The following UBAC2 variants were observed in gnomAD, a reference collection of about 807,000 sequenced individuals.
UBAC2 encodes ubiquitin-associated domain-containing protein 2.
A neutral mutation model predicts 44.0 loss-of-function variants in UBAC2; 26 were observed. The observed-to-expected ratio is 0.59, with a 90% CI of 0.43 to 0.82. The LOEUF is 0.82. UBAC2 is among the 40% of genes least tolerant of loss of function. The pLI is 0.00. For missense variants in UBAC2, 329 were observed against 419.4 expected, an observed-to-expected ratio of 0.78 and a Z score of 1.88; for synonymous variants, 155 against 154.3, an observed-to-expected ratio of 1.00 and a Z score of -0.04.
chr13:99,309,191 A>G (rs368870276), intron 4 of UBAC2, among the ~76,000 whole-genome samples: 2 of 151,518 alleles, frequency 1.3e-5, no homozygotes, highest in African/African-American at 4.9e-5. Context: ...GCTCACTGCA[A>G]CCTCCACCTC....
intron 8 of UBAC2, among the ~76,000 whole-genome samples, chr13:99,369,714 C>T (rs1265858491): frequency 1.3e-5 from 2 of 152,070 alleles, no homozygotes; most frequent in African/African-American, 2.4e-5. Flanking sequence ...AAAGGAAAAC[C>T]GTAATTCTAC....
At chr13:99,366,640 T>G (rs1031183411) in intron 7 of UBAC2, among the ~76,000 whole-genome samples, 1 of 151,966 alleles carries the variant, frequency 6.6e-6, no homozygotes, top group Non-Finnish European at 1.5e-5. Context: ...TTTTTTTTCA[T>G]CCCTTTCGCT....
intron 4 of UBAC2, among the ~76,000 whole-genome samples, chr13:99,304,913 G>A (rs903928092): frequency 2.6e-5 from 4 of 152,160 alleles, no homozygotes; most frequent in African/African-American, 4.8e-5. Flanking sequence ...AAACCTTAAC[G>A]TACACTAACT....
At chr13:99,316,619 G>A (rs911762977) in intron 5 of UBAC2, among the ~76,000 whole-genome samples, 2 of 152,160 alleles carry the variant, frequency 1.3e-5, no homozygotes, top group African/African-American at 4.8e-5. Flanking sequence ...TGTCCTCAAG[G>A]AGCCCAGCCA....
intron 4 of UBAC2, among the ~76,000 whole-genome samples, chr13:99,297,263 G>A (rs773112224): frequency 3.3e-5 from 5 of 152,114 alleles, no homozygotes; most frequent in Non-Finnish European, 5.9e-5. Flanking sequence ...AATCCTGTGT[G>A]ATTATTTTTA....
chr13:99,373,492 T>G (rs1033115436), intron 8 of UBAC2, among the ~76,000 whole-genome samples: 1 of 152,208 alleles, frequency 6.6e-6, no homozygotes, highest in Non-Finnish European at 1.5e-5. Context: ...GCACCGGGGC[T>G]AAGCGCTGTG....
intron 7 of UBAC2, among the ~76,000 whole-genome samples, chr13:99,354,686 G>A (rs2045149707): frequency 6.6e-6 from 1 of 151,846 alleles, no homozygotes; most frequent in Non-Finnish European, 1.5e-5. Flanking sequence ...CGATGGGGCT[G>A]GTTTGGGCAG....
chr13:99,311,701 A>C (rs1328765196), intron 4 of UBAC2, among the ~76,000 whole-genome samples: 1 of 152,238 alleles, frequency 6.6e-6, no homozygotes, highest in East Asian at 1.9e-4. Context: ...CTGTATAGTC[A>C]ATTCAAATGT....
intron 4 of UBAC2, chr13:99,255,505 A>G (rs1311511890): frequency 1.9e-6 from 3 of 1,614,016 alleles, no homozygotes; most frequent in Non-Finnish European, 1.7e-6. Context: ...CGGCTGTACA[A>G]TGGCCATGTA....
At chr13:99,232,701 C>T (rs550562843) in intron 1 of UBAC2, among the ~76,000 whole-genome samples, 4 of 151,996 alleles carry the variant, frequency 2.6e-5, no homozygotes, top group African/African-American at 7.2e-5. Context: ...GCGGGCAGAT[C>T]GCTTGAGCTC....
At chr13:99,374,736 A>G (rs144031573) in intron 8 of UBAC2, among the ~76,000 whole-genome samples, 1 of 152,290 alleles carries the variant, frequency 6.6e-6, no homozygotes, top group African/African-American at 2.4e-5. Context: ...TGCTCTGAGT[A>G]GCCAAGCATG....
At chr13:99,380,235 G>A (rs1337254817) in intron 8 of UBAC2, among the ~76,000 whole-genome samples, 2 of 152,138 alleles carry the variant, frequency 1.3e-5, no homozygotes, top group Admixed American at 6.5e-5. Context: ...AATGCTTAAC[G>A]TGTGTTTTGC....
intron 4 of UBAC2, among the ~76,000 whole-genome samples, chr13:99,281,158 C>T (rs2043948790): frequency 6.6e-6 from 1 of 151,662 alleles, no homozygotes; most frequent in African/African-American, 2.4e-5. Context: ...CATGGTACTC[C>T]AGCCTGGGTG....
chr13:99,331,589 C>T (rs1464008710), intron 6 of UBAC2, among the ~76,000 whole-genome samples: 1 of 152,154 alleles, frequency 6.6e-6, no homozygotes, highest in East Asian at 1.9e-4. Context: ...ATAGAAAGTT[C>T]AATCTGAATC....
chr13:99,237,640 A>G (rs1033318811), intron 1 of UBAC2, among the ~76,000 whole-genome samples: 3 of 152,246 alleles, frequency 2.0e-5, no homozygotes, highest in African/African-American at 7.2e-5. Context: ...AATTCAGCCT[A>G]AAGAAAAGAG....
At chr13:99,241,812 A>G (rs914332282) in intron 2 of UBAC2, among the ~76,000 whole-genome samples, 1 of 148,528 alleles carries the variant, frequency 6.7e-6, no homozygotes, top group African/African-American at 2.5e-5. Flanking sequence ...TCATAGGACA[A>G]TAGTGGAGGG....
chr13:99,357,792 C>A (rs2045208729), intron 7 of UBAC2, among the ~76,000 whole-genome samples: 1 of 152,214 alleles, frequency 6.6e-6, no homozygotes, highest in South Asian at 2.1e-4. Context: ...CATTAGTAAC[C>A]CATCACCTGG....
chr13:99,207,389 G>A (rs1434812914), intron 1 of UBAC2, among the ~76,000 whole-genome samples: 1 of 152,174 alleles, frequency 6.6e-6, no homozygotes, highest in Non-Finnish European at 1.5e-5. Flanking sequence ...AAATGCAAAA[G>A]TATAACCCAT....
At chr13:99,294,243 A>T (rs1322129119) in intron 4 of UBAC2, among the ~76,000 whole-genome samples, 1 of 152,118 alleles carries the variant, frequency 6.6e-6, no homozygotes, top group African/African-American at 2.4e-5. Flanking sequence ...AAGAGAAATG[A>T]TCCCCTAGTG....
Sources: gnomAD v4.1 joint callset for allele counts (sites outside exome capture counted in the v4.1 genomes callset) on GRCh38, gnomAD v4.1.1 for gene constraint, MANE v1.5 for transcripts, NCBI Gene and HGNC (gene_info 2026-07-23, HGNC 2026-07-21) for gene names.